Variants in MLLT3 observed in about 807,000 individuals in gnomAD.
MLLT3 encodes protein AF-9.
MLLT3 carries 4 observed loss-of-function variants against 53.2 expected under a neutral mutation model. The ratio of observed to expected loss-of-function variants is 0.08; its 90% confidence interval spans 0.04 to 0.17. The LOEUF (loss-of-function observed/expected upper bound fraction) is 0.17. Ranked by LOEUF, MLLT3 falls within the 10% of genes least tolerant of loss-of-function variation. MLLT3 has a pLI of 1.00. For synonymous variants in MLLT3, 283 were observed against 230.6 expected, an observed-to-expected ratio of 1.23 and a Z score of -2.06; for missense variants, 569 against 684.0, an observed-to-expected ratio of 0.83 and a Z score of 1.87.
chr9:20,429,533 T>A (rs1379105593), intron 4 of MLLT3, among the ~76,000 whole-genome samples: 1 of 146,900 alleles, frequency 6.8e-6, no homozygotes, highest in African/African-American at 2.7e-5. Flanking sequence ...TTAGCATAAC[T>A]AATCCAATTG....
intron 2 of MLLT3, among the ~76,000 whole-genome samples, chr9:20,569,558 C>A (rs530275428): frequency 2.0e-5 from 3 of 152,152 alleles, no homozygotes; most frequent in African/African-American, 7.2e-5. Context: ...AAATCTACTA[C>A]AACATACTTA....
chr9:20,366,488 A>G (rs1821455188), intron 5 of MLLT3, among the ~76,000 whole-genome samples: 1 of 152,230 alleles, frequency 6.6e-6, no homozygotes, highest in African/African-American at 2.4e-5. Context: ...TATTGTGAAT[A>G]GTGCCACAAT....
intron 2 of MLLT3, among the ~76,000 whole-genome samples, chr9:20,552,075 G>C (rs1443984224): frequency 2.0e-5 from 3 of 152,094 alleles, no homozygotes; most frequent in African/African-American, 7.2e-5. Context: ...CACGGGTTTT[G>C]CTTCCTGACA....
chr9:20,356,109 T>G (rs533665927), intron 8 of MLLT3, among the ~76,000 whole-genome samples: 1 of 152,264 alleles, frequency 6.6e-6, no homozygotes, highest in African/African-American at 2.4e-5. Context: ...CTAATAAACA[T>G]TTTACTGGAT....
chr9:20,587,113 C>G (rs1017874286), intron 2 of MLLT3, among the ~76,000 whole-genome samples: 1 of 151,082 alleles, frequency 6.6e-6, no homozygotes, highest in Admixed American at 6.6e-5. Flanking sequence ...TACCAATTTC[C>G]CTTAGATTTT....
At chr9:20,427,959 T>A (rs552103057) in intron 4 of MLLT3, among the ~76,000 whole-genome samples, 2 of 152,256 alleles carry the variant, frequency 1.3e-5, no homozygotes, top group African/African-American at 4.8e-5. Context: ...GCTGTTTTCT[T>A]GAGGTAATTC....
At chr9:20,537,866 A>G (rs991286784) in intron 2 of MLLT3, among the ~76,000 whole-genome samples, 2 of 152,242 alleles carry the variant, frequency 1.3e-5, no homozygotes, top group African/African-American at 4.8e-5. Flanking sequence ...TATGCTGTCC[A>G]AATACATTAA....
intron 8 of MLLT3, among the ~76,000 whole-genome samples, chr9:20,360,230 A>T (rs868428723): frequency 6.6e-6 from 1 of 152,192 alleles, no homozygotes; most frequent in African/African-American, 2.4e-5. Context: ...AGTGCCAAGG[A>T]GGGGCTGTGC....
chr9:20,515,948 CA>C (rs1817903010), intron 2 of MLLT3, among the ~76,000 whole-genome samples: 1 of 152,180 alleles, frequency 6.6e-6, no homozygotes, highest in South Asian at 2.1e-4. Flanking sequence ...TGCTTTTATA[CA>C]AGAAAAAGAC....
Position 20,593,376 on chromosome 9 carries a change from G to A in MLLT3, c.193+27278C>T, listed in dbSNP as rs111974689. Among the ~76,000 whole-genome samples, 957 of 152,244 alleles carry A rather than the reference G, an allele frequency of 6.3e-3. 8 individuals are homozygous for A. Among genetic ancestry groups the A allele is most frequent in the African/African-American group, 0.021 (880 of 41,556 alleles). On this transcript the variant is annotated intron_variant, in intron 2 of 10. Transcript: ENST00000380338. Reference sequence around the variant, plus strand: ...TATAGATATTTGAGGGCAGAAACCCGTTGTTGGGCTTAGCATCAAGAAAGT... The same window carrying A: ...TATAGATATTTGAGGGCAGAAACCCATTGTTGGGCTTAGCATCAAGAAAGT...
At chr9:20,355,107 A>C (rs1273338939) in intron 8 of MLLT3, among the ~76,000 whole-genome samples, 1 of 151,590 alleles carries the variant, frequency 6.6e-6, no homozygotes. Flanking sequence ...AAAAAAAAAA[A>C]AAAAAAAAAA....
Position 20,621,109 on chromosome 9 carries a change from T to A in MLLT3, c.13-275A>T. The A allele has an allele frequency of 1.7e-6, 1 of 579,070 alleles. No individual in the cohort carries two copies. The highest frequency in any genetic ancestry group is 1.9e-5 in the South Asian group (1 of 53,944). The allele number at this position is 579,070 out of a possible 1,614,324, so 35.9% of individuals were successfully genotyped here. A position where few individuals can be genotyped will look rare whatever the true frequency, so the allele number is the denominator to read the frequency against. On this transcript the variant is annotated intron_variant, in intron 1 of 10. Transcript: ENST00000380338. This position sits in a 1 kb window ranked among gnomAD's most constrained non-coding sequence, Gnocchi z 7.0. ...ATGTTATCCCCAGTCGGGAAGGGGG[T>A]CGGGGAAAAGAGGGAGAACACACTC...
chr9:20,460,100 A>T (rs1310261423), intron 2 of MLLT3, among the ~76,000 whole-genome samples: 1 of 152,236 alleles, frequency 6.6e-6, no homozygotes, highest in African/African-American at 2.4e-5. Context: ...GGGATACTAC[A>T]TTAGATATAA....
At chr9:20,419,267 C>T (rs989079891) in intron 4 of MLLT3, among the ~76,000 whole-genome samples, 4 of 151,840 alleles carry the variant, frequency 2.6e-5, no homozygotes, top group East Asian at 3.9e-4. Context: ...AGTAGAAGAT[C>T]GATGCTAACT....
intron 10 of MLLT3, among the ~76,000 whole-genome samples, chr9:20,349,989 A>C (rs1231220336): frequency 6.6e-6 from 1 of 152,228 alleles, no homozygotes; most frequent in Non-Finnish European, 1.5e-5. Context: ...AATGATTTGA[A>C]TTATTAGAGC....
intron 4 of MLLT3, among the ~76,000 whole-genome samples, chr9:20,445,178 G>C (rs1823663075): frequency 6.6e-6 from 1 of 152,010 alleles, no homozygotes; most frequent in African/African-American, 2.4e-5. Flanking sequence ...TAATTTAGAG[G>C]AAACTACTTT....
chr9:20,460,466 CT>C (rs886805424), intron 2 of MLLT3, among the ~76,000 whole-genome samples: 2 of 152,142 alleles, frequency 1.3e-5, no homozygotes, highest in Non-Finnish European at 2.9e-5. Context: ...TCATTAAAAG[CT>C]TTTTTCATCT....
intron 2 of MLLT3, among the ~76,000 whole-genome samples, chr9:20,526,185 G>A (rs1818197628): frequency 6.6e-6 from 1 of 152,200 alleles, no homozygotes; most frequent in Non-Finnish European, 1.5e-5. Context: ...TTTTTAAAAA[G>A]TAAGCTTATC....
At chr9:20,353,343 C>A (rs928484495) in intron 10 of MLLT3, among the ~76,000 whole-genome samples, 182 bp downstream of exon 10, 1 of 152,224 alleles carries the variant, frequency 6.6e-6, no homozygotes, top group Non-Finnish European at 1.5e-5. Context: ...TGCCATAGAG[C>A]TCCAGAGCAG....
Sources: gnomAD v4.1 joint callset for allele counts (sites outside exome capture counted in the v4.1 genomes callset) on GRCh38, gnomAD v4.1.1 for gene constraint, Gnocchi (gnomAD v3.1) non-coding constraint, MANE v1.5 for transcripts, NCBI Gene and HGNC (gene_info 2026-07-23, HGNC 2026-07-21) for gene names.